Variants in FRMD4B observed in about 807,000 individuals in gnomAD.
The protein encoded by FRMD4B is FERM domain containing 4B.
FRMD4B carries 74 observed loss-of-function variants against 141.5 expected under a neutral mutation model. The observed-to-expected ratio is 0.52, with a 90% CI of 0.43 to 0.63. The LOEUF is 0.63. Ranked by LOEUF, FRMD4B falls within the 30% of genes least tolerant of loss-of-function variation. FRMD4B has a pLI of 0.00. For synonymous variants in FRMD4B, 506 were observed against 467.9 expected (o/e 1.08, Z -1.05); for missense variants, 1,366 against 1,253.4 (o/e 1.09, Z -1.36).
chr3:69,409,299 G>A (rs62251417), intron 2 of FRMD4B, among the ~76,000 whole-genome samples: 41,773 of 152,050 alleles, frequency 0.27, 6,198 homozygotes, highest in East Asian at 0.44. Context: ...AAATCCACTC[G>A]GCTGTTGAGA....
Position 69,176,571 on chromosome 3 carries a change from G to A in FRMD4B, c.2937C>T (p.Tyr979=), listed in dbSNP as rs745486824. ...SDYETPAHSS[Y]TSCYGNVYNP... ...TATAGACATTGCCATAGCAGCTGGT[G>A]TAAGAAGAATGTGCTGGAGTCTCGT... The change falls in exon 22 of 23, where the codon TAC becomes TAT. Residue 979 remains tyrosine, a synonymous_variant. Transcript: ENST00000398540. 3.1e-6 allele frequency: 5 copies of A among 1,611,314 alleles called. No individual in the cohort carries two copies. Among genetic ancestry groups the A allele is most frequent in the Admixed American group, 3.3e-5 (2 of 60,008 alleles).
At chr3:69,335,870 G>T (rs535693836) in intron 1 of FRMD4B, among the ~76,000 whole-genome samples, 5 of 151,530 alleles carry the variant, frequency 3.3e-5, no homozygotes, top group Non-Finnish European at 5.9e-5. Flanking sequence ...TTACAGGTGC[G>T]TGCCACCATG....
intron 2 of FRMD4B, among the ~76,000 whole-genome samples, chr3:69,417,319 T>C (rs1263012010): frequency 6.6e-6 from 1 of 152,240 alleles, no homozygotes. Flanking sequence ...TGAGCTTTTT[T>C]TTCATATGTT....
At chr3:69,233,247 G>A (rs1559739028) in intron 7 of FRMD4B, among the ~76,000 whole-genome samples, 2 of 152,028 alleles carry the variant, frequency 1.3e-5, no homozygotes, top group Non-Finnish European at 1.5e-5. Flanking sequence ...AGCACTTTGG[G>A]AGGCGAGATG....
intron 2 of FRMD4B, among the ~76,000 whole-genome samples, chr3:69,410,754 T>A (rs376403140): frequency 0.012 from 751 of 63,912 alleles, 30 homozygotes; most frequent in African/African-American, 0.036. Context: ...TATATATATA[T>A]ATATATATAT....
intron 22 of FRMD4B, 77 bp downstream of exon 22, chr3:69,176,447 G>C: frequency 1.6e-6 from 2 of 1,242,262 alleles, no homozygotes; most frequent in Non-Finnish European, 1.2e-6. Context: ...TAGATTATCT[G>C]ACGTTTGTAA....
At chr3:69,367,522 ATATATCAT>A (rs1703701488) in intron 1 of FRMD4B, among the ~76,000 whole-genome samples, 1 of 30,048 alleles carries the variant, frequency 3.3e-5, no homozygotes, top group East Asian at 1.5e-3. Context: ...TACCCAAAAA[ATATATCAT>A]TGACAATTAT....
chr3:69,427,388 T>C (rs1705101442), intron 2 of FRMD4B, among the ~76,000 whole-genome samples: 1 of 149,858 alleles, frequency 6.7e-6, no homozygotes, highest in East Asian at 1.9e-4. Context: ...AGAGAAACTA[T>C]TTAATGCCTT....
intron 1 of FRMD4B, among the ~76,000 whole-genome samples, chr3:69,373,942 T>C (rs368284523): frequency 2.0e-4 from 30 of 152,190 alleles, no homozygotes; most frequent in African/African-American, 6.8e-4. Context: ...TTCATTTAGA[T>C]AATCTTGTTT....
upstream of FRMD4B, among the ~76,000 whole-genome samples, chr3:69,389,084 A>C (rs1467758903): frequency 7.4e-6 from 1 of 134,772 alleles, no homozygotes; most frequent in East Asian, 2.3e-4. Context: ...CCCAGGCTGG[A>C]GTGCAGTGGC....
At chr3:69,374,705 C>G (rs1033355300) in intron 1 of FRMD4B, among the ~76,000 whole-genome samples, 7 of 152,200 alleles carry the variant, frequency 4.6e-5, no homozygotes, top group Non-Finnish European at 1.0e-4. Context: ...GTTTGCTTTT[C>G]TAGTATAAAC....
rs577275162 is a variant in FRMD4B, at chr3:69,215,284, CTTTTTTTTTTTTTT to C, written c.876+965_876+978del. ...TCCAAATCTGATAGATTGTGACCCTCTTTTTTTTTTTTTTTTTTTTTTTTTTGAGATGGAGTCTC... is the reference window on the plus strand; with the variant it reads ...TCCAAATCTGATAGATTGTGACCCTCTTTTTTTTTTTTGAGATGGAGTCTC... On this transcript the variant is annotated intron_variant, in intron 11 of 22. Coordinates refer to ENST00000398540, the MANE Select transcript of FRMD4B (RefSeq NM_015123.3). Among the ~76,000 whole-genome samples, 11 of 45,208 alleles carry C rather than the reference CTTTTTTTTTTTTTT, an allele frequency of 2.4e-4. 1 individual carries two copies. Among genetic ancestry groups the C allele is most frequent in the African/African-American group, 7.9e-4 (11 of 13,860 alleles). The allele number at this position is 45,208 out of a possible 152,430, so 29.7% of individuals were successfully genotyped here. A position where few individuals can be genotyped will look rare whatever the true frequency, so the allele number is the denominator to read the frequency against.
Position 69,171,291 on chromosome 3 carries a change from T to C in FRMD4B, c.*570A>G, listed in dbSNP as rs1209443530. ...ACTCTTTATAGTATCCTAAAAAACA[T>C]TTACACTCATTCAGAACTTCATGAA... On this transcript the variant is annotated 3_prime_UTR_variant, in exon 23 of 23. Coordinates refer to ENST00000398540, the MANE Select transcript of FRMD4B (RefSeq NM_015123.3). 6.6e-6 allele frequency: 1 copy of C among 152,336 alleles called. No individual in the cohort carries two copies. Among genetic ancestry groups the C allele is most frequent in the East Asian group, 1.9e-4 (1 of 5,200 alleles). The allele number at this position is 152,336 out of a possible 1,614,324, so 9.4% of individuals were successfully genotyped here.
rs1433502362 is a variant in FRMD4B at position 69,399,388 on chromosome 3, A to C, written c.-1+33246T>G. Among the ~76,000 whole-genome samples, 3 of 152,360 alleles carry C rather than the reference A, an allele frequency of 2.0e-5. No homozygotes were observed. The East Asian group carries it at 5.8e-4, about 29-fold the overall frequency. On this transcript the variant is annotated intron_variant, in intron 2 of 5. Coordinates refer to the FRMD4B transcript ENST00000459638. Reference sequence around the variant, plus strand: ...CCTTCCGAACAAGAACTGCTTCGACAGGCAATCCTAGGCCACTGTCTCAAT... The same window carrying C: ...CCTTCCGAACAAGAACTGCTTCGACCGGCAATCCTAGGCCACTGTCTCAAT...
chr3:69,328,350 G>C (rs1052747247), intron 1 of FRMD4B, among the ~76,000 whole-genome samples: 1 of 152,206 alleles, frequency 6.6e-6, no homozygotes, highest in Non-Finnish European at 1.5e-5. Context: ...TCCCAGATCA[G>C]TAAGTCAGTC....
chr3:69,523,769 T>C (rs1413500272), intron 1 of FRMD4B, among the ~76,000 whole-genome samples: 1 of 152,156 alleles, frequency 6.6e-6, no homozygotes, highest in Non-Finnish European at 1.5e-5. Context: ...CAACTAGTAG[T>C]TGGCCACAAA....
At chr3:69,343,106 AC>A (rs751766248) in intron 1 of FRMD4B, among the ~76,000 whole-genome samples, 69,169 of 151,596 alleles carry the variant, frequency 0.46, 16,143 homozygotes, top group Admixed American at 0.51. Flanking sequence ...GAGGCACACC[AC>A]CACATCTGCC....
At chr3:69,535,791 A>G (rs377435890) in intron 1 of FRMD4B, 161 of 473,476 alleles carry the variant, frequency 3.4e-4, no homozygotes, top group African/African-American at 2.9e-3. Context: ...CACTGCCCTT[A>G]GCAGGAGAAG....
At chr3:69,455,630 G>A (rs565455277) in intron 1 of FRMD4B, among the ~76,000 whole-genome samples, 7 of 152,164 alleles carry the variant, frequency 4.6e-5, no homozygotes, top group Non-Finnish European at 8.8e-5. Flanking sequence ...TGCTCACTGC[G>A]AGGGTCCGTG....
Sources: gnomAD v4.1 joint callset for allele counts (sites outside exome capture counted in the v4.1 genomes callset) on GRCh38, gnomAD v4.1.1 for gene constraint, MANE v1.5 for transcripts, NCBI Gene and HGNC (gene_info 2026-07-23, HGNC 2026-07-21) for gene names.